VPS13A: variants seen among roughly 807,000 people sequenced by gnomAD.
The protein encoded by VPS13A is intermembrane lipid transfer protein VPS13A.
In VPS13A, 264 loss-of-function variants were observed where a neutral mutation model predicts 390.9. The ratio of observed to expected loss-of-function variants is 0.68; its 90% CI spans 0.61 to 0.75. The LOEUF is 0.75. VPS13A is among the 30% of genes least tolerant of loss of function. The pLI is 0.00. For synonymous variants in VPS13A, 1,231 were observed against 1,227.1 expected (o/e 1.00, Z -0.07); for missense variants, 3,409 against 3,733.9 (o/e 0.91, Z 2.27).
At chr9:77,380,447 G>A (rs528722518) in intron 67 of VPS13A, among the ~76,000 whole-genome samples, 30 of 152,010 alleles carry the variant, frequency 2.0e-4, no homozygotes, top group African/African-American at 6.8e-4. Context: ...CAAGTACTGG[G>A]ACTACATGCA....
chr9:77,275,731 T>C (rs1826624112), intron 25 of VPS13A, 79 bp downstream of exon 25: 4 of 1,470,782 alleles, frequency 2.7e-6, no homozygotes, highest in Non-Finnish European at 3.8e-6. Context: ...AGTCTCATTG[T>C]TAAGAAGCAC....
At chr9:77,284,866 AC>A (rs1015692281) in intron 31 of VPS13A, among the ~76,000 whole-genome samples, 6 of 151,676 alleles carry the variant, frequency 4.0e-5, no homozygotes, top group Non-Finnish European at 7.4e-5. Context: ...ACCACACCCA[AC>A]TAATTTTTAT....
intron 17 of VPS13A, among the ~76,000 whole-genome samples, chr9:77,236,283 G>A (rs748093362): frequency 3.4e-4 from 52 of 152,114 alleles, no homozygotes; most frequent in Non-Finnish European, 7.5e-4. Context: ...TTTATATTCT[G>A]TGCTCAAATG....
At position 77,323,223 on chromosome 9, in the gene VPS13A, T is replaced by C. The variant is rs1203626867; in HGVS notation, c.5987T>C (p.Val1996Ala). 7 of 1,613,058 alleles carry C rather than the reference T, an allele frequency of 4.3e-6. No individual in the cohort carries two copies. Among genetic ancestry groups the C allele is most frequent in the Non-Finnish European group, 5.9e-6 (7 of 1,179,280 alleles). The change falls in exon 45 of 72, where the codon GTG (valine) becomes GCG (alanine). Residue 1996 changes from valine to alanine, a missense_variant. Physicochemically the swap from Val to Ala is moderately conservative, Grantham distance 64 (BLOSUM62 0). Coordinates refer to ENST00000360280, the MANE Select transcript of VPS13A (RefSeq NM_033305.3). ...AAGAAGGTCACAATTCGCTCCCCAG[T>C]GCAGGTATGAAATGATCAATTTTGG... ...GSKKVTIRSP[V>A]QIRNHFSVPL...
At chr9:77,273,438 A>C in intron 24 of VPS13A, 74 bp downstream of exon 24, 2 of 1,226,988 alleles carry the variant, frequency 1.6e-6, no homozygotes, top group Non-Finnish European at 2.3e-6. Context: ...TATTTTTCTC[A>C]AAGGACCACA....
intron 1 of VPS13A, among the ~76,000 whole-genome samples, chr9:77,183,910 G>C (rs982260896): frequency 2.0e-5 from 3 of 152,158 alleles, no homozygotes; most frequent in Non-Finnish European, 2.9e-5. Context: ...AACCACACAT[G>C]TTTTGTCACA....
At chr9:77,276,786 A>G (rs909993017) in intron 26 of VPS13A, among the ~76,000 whole-genome samples, 22 of 152,208 alleles carry the variant, frequency 1.4e-4, no homozygotes, top group African/African-American at 4.6e-4. Context: ...GCTAACCACA[A>G]TAAGGCATCA....
rs140390541 is a variant in VPS13A at position 77,201,546 on chromosome 9, G to A, written c.187+139G>A. ...AATCATGTGTTTTTGTCTCAGTAGA[G>A]CTTTGTTGTGCAACTTAAAAATATT... On this transcript the variant is annotated intron_variant, in intron 3 of 71. Transcript: ENST00000360280. The A allele has an allele frequency of 2.3e-5, 19 of 811,066 alleles. No homozygotes were observed. In the East Asian group the frequency reaches 4.8e-4, roughly 21 times the overall value. The allele number at this position is 811,066 out of a possible 1,614,324, so 50.2% of individuals were successfully genotyped here. A position where few individuals can be genotyped will look rare whatever the true frequency, so the allele number is the denominator to read the frequency against.
At chr9:77,384,018 A>G (rs569610616) in intron 68 of VPS13A, among the ~76,000 whole-genome samples, 1 of 151,464 alleles carries the variant, frequency 6.6e-6, no homozygotes, top group Admixed American at 6.6e-5. Flanking sequence ...CACTTAAAAA[A>G]TATGTAAATA....
At chr9:77,182,064 C>A (rs1042665254) in intron 1 of VPS13A, among the ~76,000 whole-genome samples, 7 of 152,168 alleles carry the variant, frequency 4.6e-5, no homozygotes, top group Middle Eastern at 3.4e-3. Context: ...TGAAATTTAT[C>A]TTCCCAACTT....
chr9:77,370,233 TTTA>T (rs774309929), intron 63 of VPS13A, 21 bp from the exon 64 acceptor site: 1 of 1,612,756 alleles, frequency 6.2e-7, no homozygotes, highest in South Asian at 1.1e-5. Context: ...CACTCACTCA[TTTA>T]TTTACTATTT....
At chr9:77,226,089 A>C in intron 14 of VPS13A, 101 bp downstream of exon 14, 1 of 1,163,596 alleles carries the variant, frequency 8.6e-7, no homozygotes. Flanking sequence ...TTGTTTCCAA[A>C]AAGTGGTTCA....
In VPS13A at chr9:77,340,237, T is replaced by TTAAC. The variant is rs763730760; in HGVS notation, c.6834_6835insTAAC (p.Ser2279Ter). ...ATCAGTTTTCAATTGATACTGTTGGTAGTCATGGAGCTGTTAAATGTAAAG... is the reference window on the plus strand; with the variant it reads ...ATCAGTTTTCAATTGATACTGTTGGTTAACAGTCATGGAGCTGTTAAATGTAAAG... On this transcript the variant is annotated stop_gained and frameshift_variant, in exon 49 of 72. Coordinates refer to ENST00000360280, the MANE Select transcript of VPS13A (RefSeq NM_033305.3). LOFTEE classifies it high-confidence loss of function. The TTAAC allele has an allele frequency of 6.2e-7, 1 of 1,613,274 alleles. No individual in the cohort carries two copies. Among genetic ancestry groups the TTAAC allele is most frequent in the African/African-American group, 1.3e-5 (1 of 74,896 alleles).
At chr9:77,190,134 T>C (rs1251136897) in intron 1 of VPS13A, among the ~76,000 whole-genome samples, 1 of 152,182 alleles carries the variant, frequency 6.6e-6, no homozygotes, top group Non-Finnish European at 1.5e-5. Flanking sequence ...TCCAGAACTA[T>C]GTTGAATAGG....
intron 19 of VPS13A, among the ~76,000 whole-genome samples, chr9:77,244,647 C>G (rs1824703046): frequency 6.6e-6 from 1 of 152,178 alleles, no homozygotes; most frequent in Non-Finnish European, 1.5e-5. Context: ...GCTCTTTTCT[C>G]CTGCAGTGTC....
intron 68 of VPS13A, among the ~76,000 whole-genome samples, chr9:77,383,752 A>G (rs931434882): frequency 6.6e-6 from 1 of 151,974 alleles, no homozygotes; most frequent in African/African-American, 2.4e-5. Flanking sequence ...ATTTATTTTT[A>G]ATAGGTCAGT....
intron 13 of VPS13A, among the ~76,000 whole-genome samples, chr9:77,223,579 T>C (rs879489727): frequency 5.3e-5 from 8 of 152,156 alleles, no homozygotes; most frequent in African/African-American, 9.6e-5. Context: ...AGCATTCCTC[T>C]AAGCCTTATC....
intron 23 of VPS13A, among the ~76,000 whole-genome samples, chr9:77,262,391 A>T (rs894634514): frequency 6.6e-6 from 1 of 152,190 alleles, no homozygotes; most frequent in Admixed American, 6.5e-5. Flanking sequence ...TTTCTTTTGA[A>T]GTAGTTTCAA....
At chr9:77,201,915 G>C (rs570762122) in intron 3 of VPS13A, among the ~76,000 whole-genome samples, 1 of 152,074 alleles carries the variant, frequency 6.6e-6, no homozygotes, top group East Asian at 1.9e-4. Context: ...TATTGGTTGA[G>C]CAGTAAATGA....
Sources: gnomAD v4.1 joint callset for allele counts (sites outside exome capture counted in the v4.1 genomes callset) on GRCh38, gnomAD v4.1.1 for gene constraint, MANE v1.5 for transcripts, NCBI Gene and HGNC (gene_info 2026-07-23, HGNC 2026-07-21) for gene names.